DLG2: variants seen among roughly 807,000 people sequenced by gnomAD.
The protein encoded by DLG2 is disks large homolog 2.
Under a neutral mutation model 132.5 loss-of-function variants are expected in DLG2, and 45 were observed. The observed-to-expected ratio is 0.34, with a 90% CI of 0.27 to 0.44. The LOEUF (loss-of-function observed/expected upper bound fraction) is 0.44. Among genes scored for constraint, DLG2 ranks in the 20% least tolerant of loss-of-function variants. The pLI, the probability that DLG2 is intolerant of heterozygous loss-of-function variation, is 1.00. For missense variants in DLG2, 1,045 were observed against 1,196.9 expected, an observed-to-expected ratio of 0.87 and a Z score of 1.87; for synonymous variants, 424 against 419.6, an observed-to-expected ratio of 1.01 and a Z score of -0.13.
intron 15 of DLG2, among the ~76,000 whole-genome samples, chr11:83,896,823 G>T (rs573786194): frequency 6.6e-6 from 1 of 152,218 alleles, no homozygotes; most frequent in South Asian, 2.1e-4. Flanking sequence ...CTAGAAATGG[G>T]TGAAGTTTAT....
At chr11:84,576,050 A>T (rs1378478301) in intron 6 of DLG2, among the ~76,000 whole-genome samples, 1 of 152,094 alleles carries the variant, frequency 6.6e-6, no homozygotes, top group Non-Finnish European at 1.5e-5. Flanking sequence ...CCTTTCTTTA[A>T]GTCTTTGTTT....
intron 11 of DLG2, among the ~76,000 whole-genome samples, chr11:84,013,318 C>T (rs1006742090): frequency 6.6e-6 from 1 of 152,126 alleles, no homozygotes; most frequent in Non-Finnish European, 1.5e-5. Context: ...TCATACTACA[C>T]ATCTCCTAGT....
chr11:85,003,457 T>C (rs565784411), intron 6 of DLG2, among the ~76,000 whole-genome samples: 2 of 152,304 alleles, frequency 1.3e-5, no homozygotes, highest in South Asian at 2.1e-4. Context: ...TTTTATTATA[T>C]GTAAGTTGTA....
chr11:85,340,544 T>G (rs2082415785), intron 3 of DLG2, among the ~76,000 whole-genome samples: 1 of 152,198 alleles, frequency 6.6e-6, no homozygotes, highest in Non-Finnish European at 1.5e-5. Flanking sequence ...ATGTAAATGA[T>G]GAGTTGATGG....
At chr11:84,035,109 T>G (rs2095826046) in intron 11 of DLG2, among the ~76,000 whole-genome samples, 1 of 152,080 alleles carries the variant, frequency 6.6e-6, no homozygotes, top group South Asian at 2.1e-4. Context: ...AGTCAGGTAC[T>G]GTTCATTTTT....
intron 18 of DLG2, among the ~76,000 whole-genome samples, chr11:83,776,175 A>G (rs1169289004): frequency 6.6e-6 from 1 of 152,208 alleles, no homozygotes; most frequent in Non-Finnish European, 1.5e-5. Context: ...TAATTTTTTA[A>G]TTAGCCAATC....
At chr11:85,558,764 GCAA>G (rs1188078184) in intron 3 of DLG2, among the ~76,000 whole-genome samples, 1 of 151,740 alleles carries the variant, frequency 6.6e-6, no homozygotes, top group African/African-American at 2.4e-5. Flanking sequence ...CATAAAGATG[GCAA>G]CAATAGACAT....
At chr11:83,781,194 A>T (rs568371628) in intron 18 of DLG2, among the ~76,000 whole-genome samples, 5 of 152,118 alleles carry the variant, frequency 3.3e-5, no homozygotes, top group Admixed American at 2.6e-4. Context: ...ATATCACCTT[A>T]TTAGCATGGC....
intron 6 of DLG2, among the ~76,000 whole-genome samples, chr11:84,790,101 G>A (rs997244606): frequency 1.3e-5 from 2 of 152,008 alleles, no homozygotes; most frequent in Admixed American, 6.6e-5. Flanking sequence ...AGTATATAGC[G>A]AGCAGTACGA....
intron 9 of DLG2, among the ~76,000 whole-genome samples, chr11:84,149,601 G>A (rs553785659): frequency 2.4e-3 from 367 of 152,210 alleles, no homozygotes; most frequent in African/African-American, 8.4e-3. Context: ...CCAGTACCAT[G>A]CTATTTGGTT....
chr11:85,011,871 A>G (rs1277641085), intron 6 of DLG2, among the ~76,000 whole-genome samples: 1 of 152,198 alleles, frequency 6.6e-6, no homozygotes, highest in African/African-American at 2.4e-5. Flanking sequence ...TATATCATGT[A>G]TTACCAATAG....
intron 6 of DLG2, among the ~76,000 whole-genome samples, chr11:85,054,943 C>T (rs991380396): frequency 2.6e-5 from 4 of 152,066 alleles, no homozygotes; most frequent in African/African-American, 9.7e-5. Context: ...ATCATTCATA[C>T]CCAGTACGAA....
intron 11 of DLG2, among the ~76,000 whole-genome samples, chr11:84,057,461 C>A (rs2096524124): frequency 6.6e-6 from 1 of 152,018 alleles, no homozygotes; most frequent in Admixed American, 6.6e-5. Context: ...AAGCTCCTTG[C>A]AATATGATTT....
intron 3 of DLG2, among the ~76,000 whole-genome samples, chr11:85,503,701 G>A (rs1253644493): frequency 2.0e-5 from 3 of 152,072 alleles, no homozygotes; most frequent in Non-Finnish European, 4.4e-5. Flanking sequence ...GGAGCCTAAG[G>A]TGGGAGGACA....
intron 7 of DLG2, among the ~76,000 whole-genome samples, chr11:84,480,365 G>A (rs952055567): frequency 6.6e-6 from 1 of 152,084 alleles, no homozygotes; most frequent in Non-Finnish European, 1.5e-5. Flanking sequence ...GGATAAGACT[G>A]TTTAATCCTT....
At chr11:84,386,714 A>G (rs2098771875) in intron 7 of DLG2, among the ~76,000 whole-genome samples, 1 of 152,126 alleles carries the variant, frequency 6.6e-6, no homozygotes, top group Non-Finnish European at 1.5e-5. Flanking sequence ...CAATGTCACG[A>G]ACCTTGGATC....
At chr11:84,031,826 T>C (rs2095702232) in intron 11 of DLG2, among the ~76,000 whole-genome samples, 1 of 152,204 alleles carries the variant, frequency 6.6e-6, no homozygotes, top group African/African-American at 2.4e-5. Context: ...AGCATGTCTA[T>C]TGGCACCATT....
At chr11:85,459,588 C>G (rs2092537990) in intron 3 of DLG2, among the ~76,000 whole-genome samples, 1 of 152,124 alleles carries the variant, frequency 6.6e-6, no homozygotes, top group South Asian at 2.1e-4. Flanking sequence ...GGGGCCCTGC[C>G]TGGTAAAGAG....
chr11:84,673,724 T>A (rs909157743), intron 6 of DLG2, among the ~76,000 whole-genome samples: 2 of 151,954 alleles, frequency 1.3e-5, no homozygotes, highest in Admixed American at 6.6e-5. Context: ...TGATAAAAAA[T>A]TAATGAATTA....
Sources: allele counts gnomAD v4.1 joint callset (sites outside exome capture counted in the v4.1 genomes callset), GRCh38; gene constraint gnomAD v4.1.1; transcripts MANE v1.5; gene names NCBI Gene and HGNC (gene_info 2026-07-23, HGNC 2026-07-21).